Variants in PDE3B observed in about 807,000 individuals in gnomAD.
The protein encoded by PDE3B is phosphodiesterase 3B.
Under a neutral mutation model 116.8 loss-of-function variants are expected in PDE3B, and 66 were observed. That is an observed-to-expected ratio of 0.56 (90% CI 0.46 to 0.69). The LOEUF (loss-of-function observed/expected upper bound fraction) is 0.69. Ranked by LOEUF, PDE3B falls within the 30% of genes least tolerant of loss-of-function variation. The pLI, the probability that PDE3B is intolerant of heterozygous loss-of-function variation, is 0.00. For synonymous variants in PDE3B, 595 were observed against 533.6 expected, an observed-to-expected ratio of 1.12 and a Z score of -1.59; for missense variants, 1,384 against 1,368.1, an observed-to-expected ratio of 1.01 and a Z score of -0.18.
At chr11:14,754,290 C>G (rs904125286) in intron 1 of PDE3B, among the ~76,000 whole-genome samples, 2 of 152,000 alleles carry the variant, frequency 1.3e-5, no homozygotes, top group African/African-American at 4.8e-5. Flanking sequence ...TTAATTTTCA[C>G]TGTTCCTTAA....
chr11:14,662,891 A>T (rs1753167675), intron 1 of PDE3B, among the ~76,000 whole-genome samples: 2 of 152,216 alleles, frequency 1.3e-5, no homozygotes, highest in Admixed American at 6.5e-5. Context: ...TCTGCAGGAT[A>T]TTATCTAGGA....
intron 1 of PDE3B, among the ~76,000 whole-genome samples, chr11:14,695,327 A>T (rs1249024995): frequency 6.6e-6 from 1 of 152,116 alleles, no homozygotes; most frequent in East Asian, 1.9e-4. Context: ...TGAATGGACC[A>T]CAATTTATTT....
chr11:14,709,397 C>T (rs1855630863), intron 1 of PDE3B, among the ~76,000 whole-genome samples: 1 of 152,058 alleles, frequency 6.6e-6, no homozygotes, highest in African/African-American at 2.4e-5. Context: ...TAATCAGTGG[C>T]ATCTGATAAT....
At chr11:14,885,845 C>T in the PDE3B span, 1 of 1,613,526 alleles carries the variant, frequency 6.2e-7, no homozygotes, top group Admixed American at 1.7e-5. Flanking sequence ...CTTTGATGAA[C>T]AAGGCATTCC....
chr11:14,789,097 A>G lies in PDE3B; in HGVS notation c.1279-9A>G. Reference sequence around the variant, plus strand: ...TGACATTTTAAACCATTGTTAAATTATTCAACAGGGACTAAATAGGAATAG... The same window carrying G: ...TGACATTTTAAACCATTGTTAAATTGTTCAACAGGGACTAAATAGGAATAG... On this transcript the variant is annotated splice_polypyrimidine_tract_variant and intron_variant, in intron 3 of 15. Coordinates refer to ENST00000282096, the MANE Select transcript of PDE3B (RefSeq NM_000922.4). 1 of 1,595,116 alleles carries G rather than the reference A, an allele frequency of 6.3e-7. No individual in the cohort carries two copies. Among genetic ancestry groups the G allele is most frequent in the Non-Finnish European group, 8.5e-7 (1 of 1,171,312 alleles).
chr11:14,662,649 T>G (rs1267208253), intron 1 of PDE3B, among the ~76,000 whole-genome samples: 2 of 152,292 alleles, frequency 1.3e-5, no homozygotes, highest in Non-Finnish European at 2.9e-5. Flanking sequence ...GCTCGAGAAC[T>G]ACGTGAAGAA....
intron 12 of PDE3B, among the ~76,000 whole-genome samples, chr11:14,844,461 C>A (rs1310287790): frequency 6.6e-6 from 1 of 152,222 alleles, no homozygotes; most frequent in Non-Finnish European, 1.5e-5. Flanking sequence ...GTTCATCTCA[C>A]TAGGGAGTGC....
the PDE3B span, among the ~76,000 whole-genome samples, chr11:14,889,248 C>T: frequency 6.7e-6 from 1 of 149,138 alleles, no homozygotes; most frequent in African/African-American, 2.5e-5. Context: ...CTAGGTACAA[C>T]TTTCCAGAAC....
chr11:14,867,137 G>C (rs1848061536), intron 14 of PDE3B, among the ~76,000 whole-genome samples: 1 of 151,548 alleles, frequency 6.6e-6, no homozygotes, highest in Non-Finnish European at 1.5e-5. Flanking sequence ...GTACATTTGA[G>C]ATATAACTAC....
At chr11:14,681,769 A>T (rs1253273505) in intron 1 of PDE3B, among the ~76,000 whole-genome samples, 1 of 152,142 alleles carries the variant, frequency 6.6e-6, no homozygotes, top group Non-Finnish European at 1.5e-5. Flanking sequence ...GATGTTGCTG[A>T]ATTCACTTAT....
chr11:14,740,791 A>C (rs190514955), intron 1 of PDE3B, among the ~76,000 whole-genome samples: 2 of 151,970 alleles, frequency 1.3e-5, no homozygotes, highest in Non-Finnish European at 2.9e-5. Flanking sequence ...AGAGATTCTG[A>C]TATGTAGTGT....
At chr11:14,760,556 A>G (rs146877179) in intron 1 of PDE3B, among the ~76,000 whole-genome samples, 27 of 152,346 alleles carry the variant, frequency 1.8e-4, no homozygotes, top group Middle Eastern at 6.8e-3. Context: ...ATTGACCATC[A>G]GCATACCAAA....
the PDE3B span, chr11:14,892,214 G>A: frequency 1.2e-6 from 2 of 1,607,926 alleles, no homozygotes; most frequent in East Asian, 2.2e-5. Context: ...ATCGGCCCGA[G>A]CTGGAGGTGC....
the PDE3B span, chr11:14,886,817 ACTT>A: frequency 6.6e-6 from 1 of 152,316 alleles, no homozygotes; most frequent in Non-Finnish European, 1.5e-5. Flanking sequence ...GGTACACACT[ACTT>A]CAGAAGAAAA....
chr11:14,829,173 G>C (rs1859795257), intron 7 of PDE3B, among the ~76,000 whole-genome samples: 1 of 152,072 alleles, frequency 6.6e-6, no homozygotes, highest in African/African-American at 2.4e-5. Context: ...GGTGGGCGGA[G>C]GGAGAGGATC....
chr11:14,808,203 T>C (rs1290754242), intron 5 of PDE3B, among the ~76,000 whole-genome samples: 1 of 151,924 alleles, frequency 6.6e-6, no homozygotes, highest in Non-Finnish European at 1.5e-5. Flanking sequence ...GAAAACTGAG[T>C]AACTACACAT....
intron 4 of PDE3B, among the ~76,000 whole-genome samples, chr11:14,794,255 A>G (rs957710598): frequency 1.2e-4 from 19 of 152,320 alleles, no homozygotes; most frequent in Middle Eastern, 3.4e-3. Context: ...CAAGCAGGCA[A>G]GCAAGCAATT....
chr11:14,807,968 G>A (rs758023610), intron 5 of PDE3B, among the ~76,000 whole-genome samples: 1 of 151,664 alleles, frequency 6.6e-6, no homozygotes, highest in Admixed American at 6.6e-5. Flanking sequence ...GTTGAGGCAC[G>A]AGAATCGCTT....
At chr11:14,741,195 G>A (rs1387691621) in intron 1 of PDE3B, among the ~76,000 whole-genome samples, 1 of 152,068 alleles carries the variant, frequency 6.6e-6, no homozygotes, top group Non-Finnish European at 1.5e-5. Context: ...AATATTGTCA[G>A]TGGGGTGTTA....
Sources: gnomAD v4.1 joint callset for allele counts (sites outside exome capture counted in the v4.1 genomes callset) on GRCh38, gnomAD v4.1.1 for gene constraint, MANE v1.5 for transcripts, NCBI Gene and HGNC (gene_info 2026-07-23, HGNC 2026-07-21) for gene names.